Variants in MRPS35 observed in about 807,000 individuals in gnomAD.
The protein encoded by MRPS35 is small ribosomal subunit protein mS35.
Under a neutral mutation model 32.7 loss-of-function variants are expected in MRPS35, and 29 were observed. The ratio of observed to expected loss-of-function variants is 0.89; its 90% CI spans 0.66 to 1.21. The LOEUF is 1.21. Ranked by LOEUF, MRPS35 falls within the 50% of genes most tolerant of loss-of-function variation. The pLI is 0.00. For synonymous variants in MRPS35, 148 were observed against 139.3 expected (o/e 1.06, Z -0.44); for missense variants, 373 against 383.8 (o/e 0.97, Z 0.23).
At chr12:27,747,352 C>CTCTA (rs898304023) in intron 7 of MRPS35, among the ~76,000 whole-genome samples, 53 of 152,090 alleles carry the variant, frequency 3.5e-4, no homozygotes, top group African/African-American at 1.1e-3. Flanking sequence ...TCTGCTCACC[C>CTCTA]CATTAGACTG....
At chr12:27,716,791 C>A (rs1279211925) in intron 3 of MRPS35, among the ~76,000 whole-genome samples, 1 of 152,074 alleles carries the variant, frequency 6.6e-6, no homozygotes, top group South Asian at 2.1e-4. Context: ...AGTTCAAGAC[C>A]AATCTGGCCA....
chr12:27,751,560 C>T (rs891475276), intron 7 of MRPS35, among the ~76,000 whole-genome samples: 1 of 152,186 alleles, frequency 6.6e-6, no homozygotes, highest in African/African-American at 2.4e-5. Context: ...CCGCGACCCC[C>T]ATGCCTGCGG....
intron 4 of MRPS35, among the ~76,000 whole-genome samples, chr12:27,720,394 CAAA>C (rs11414370): frequency 2.0e-5 from 2 of 101,660 alleles, no homozygotes; most frequent in Non-Finnish European, 1.9e-5. Context: ...AACGCCATCT[CAAA>C]AAAAAAAAAA....
At chr12:27,721,430 G>A (rs1433044432) in intron 4 of MRPS35, among the ~76,000 whole-genome samples, 1 of 152,146 alleles carries the variant, frequency 6.6e-6, no homozygotes, top group East Asian at 1.9e-4. Flanking sequence ...GTCTGAGGTG[G>A]GTGGATTGCT....
rs2062023656 is a variant in MRPS35, at chr12:27,755,706, G to A, written c.*256G>A. On this transcript the variant is annotated 3_prime_UTR_variant, in exon 8 of 8. Transcript: ENST00000081029. ...ATTTTATTTCTACATAATAGCTTTG[G>A]TATTCATGTATATACATGCATTTAA... 4.1e-6 allele frequency: 1 copy of A among 245,654 alleles called. No individual in the cohort carries two copies. 15.2% of individuals were successfully genotyped at this position (245,654 alleles called of 1,614,324 possible). A position where few individuals can be genotyped will look rare whatever the true frequency, so the allele number is the denominator to read the frequency against.
chr12:27,734,328 C>T (rs1170848798), intron 5 of MRPS35, among the ~76,000 whole-genome samples: 2 of 151,550 alleles, frequency 1.3e-5, no homozygotes, highest in African/African-American at 4.9e-5. Context: ...CCAAAACCTC[C>T]GCCTCCTGGG....
At chr12:27,738,977 TG>T (rs2061953367) in intron 7 of MRPS35, among the ~76,000 whole-genome samples, 1 of 151,914 alleles carries the variant, frequency 6.6e-6, no homozygotes, top group African/African-American at 2.4e-5. Context: ...GGAGCGATCT[TG>T]GCTCACTGCA....
intron 7 of MRPS35, among the ~76,000 whole-genome samples, chr12:27,741,103 G>A (rs1191183497): frequency 6.6e-6 from 1 of 152,044 alleles, no homozygotes; most frequent in African/African-American, 2.4e-5. Context: ...GGGAGTCGGA[G>A]GTTGCAGTGA....
At chr12:27,731,159 T>C (rs1224829033) in intron 5 of MRPS35, among the ~76,000 whole-genome samples, 2 of 152,244 alleles carry the variant, frequency 1.3e-5, no homozygotes, top group Non-Finnish European at 2.9e-5. Flanking sequence ...TCCTTTGCCA[T>C]GCCCCTGTCA....
intron 2 of MRPS35, 21 bp from the exon 3 acceptor site, chr12:27,716,270 A>G (rs2061850048): frequency 2.6e-6 from 4 of 1,520,828 alleles, no homozygotes; most frequent in African/African-American, 2.8e-5. Flanking sequence ...TTAAAATACT[A>G]AACGATTTTA....
rs559635499 is a variant in MRPS35 at position 27,727,183 on chromosome 12, G to A, written c.522+2997G>A. ...TCACCGTGTTAGCCAGGATGGTCTC[G>A]ATCTCCTGACCTTGTGATCTGCCTG... On this transcript the variant is annotated intron_variant, in intron 5 of 7. Coordinates refer to ENST00000081029, the MANE Select transcript of MRPS35 (RefSeq NM_021821.4). Among the ~76,000 whole-genome samples, 8 of 152,032 alleles carry A rather than the reference G, an allele frequency of 5.3e-5. No homozygotes were observed. In the East Asian group the frequency reaches 5.8e-4, roughly 11 times the overall value.
chr12:27,733,034 A>C (rs12368575), intron 5 of MRPS35, among the ~76,000 whole-genome samples: 7,290 of 61,880 alleles, frequency 0.12, 393 homozygotes, highest in Middle Eastern at 0.23. Flanking sequence ...ATATATATAT[A>C]TATATATCCA....
Position 27,740,665 on chromosome 12 carries a change from C to T in MRPS35, c.702+3057C>T, listed in dbSNP as rs189823033. Among the ~76,000 whole-genome samples, 58 of 152,236 alleles carry T rather than the reference C, an allele frequency of 3.8e-4. 1 individual carries two copies. The highest frequency in any genetic ancestry group is 6.8e-3 in the Middle Eastern group (2 of 294). On this transcript the variant is annotated intron_variant, in intron 7 of 7. Transcript: ENST00000081029. ...TTATGTAGCTTGTAGTACTGAAATC[C>T]CTCTGGAGAAGTGATCACCTAGACT...
At chr12:27,742,698 C>T (rs1383316346) in intron 7 of MRPS35, among the ~76,000 whole-genome samples, 3 of 152,066 alleles carry the variant, frequency 2.0e-5, no homozygotes, top group Non-Finnish European at 4.4e-5. Flanking sequence ...TGAAGCTCGT[C>T]GTAGTGCTTA....
intron 5 of MRPS35, among the ~76,000 whole-genome samples, chr12:27,730,770 C>T (rs2061919318): frequency 6.6e-6 from 1 of 152,114 alleles, no homozygotes; most frequent in African/African-American, 2.4e-5. Flanking sequence ...CTGTGCCGGC[C>T]ATGATTTGTC....
intron 6 of MRPS35, 85 bp from the exon 7 acceptor site, chr12:27,737,454 T>C (rs1467388272): frequency 5.9e-6 from 5 of 850,822 alleles, no homozygotes; most frequent in Non-Finnish European, 1.0e-5. Context: ...CATTATCTTC[T>C]GTATTTAGTA....
In MRPS35 at chr12:27,755,663, T is replaced by C; in HGVS notation, c.*213T>C. The C allele has an allele frequency of 2.7e-6, 1 of 366,088 alleles. No homozygotes were observed. The highest frequency in any genetic ancestry group is 4.7e-6 in the Non-Finnish European group (1 of 210,570). The allele number at this position is 366,088 out of a possible 1,614,324, so 22.7% of individuals were successfully genotyped here. ...AGACTAGGAGGTCTCTGATTTCTTC[T>C]TGGTCTAAAGTGTTTTGATTTTATT... On this transcript the variant is annotated 3_prime_UTR_variant, in exon 8 of 8. Transcript: ENST00000081029.
At chr12:27,713,547 G>T (rs1377734601) in intron 1 of MRPS35, among the ~76,000 whole-genome samples, 1 of 152,164 alleles carries the variant, frequency 6.6e-6, no homozygotes, top group African/African-American at 2.4e-5. Context: ...ATGTCCAAGG[G>T]CAGGGGAAGA....
At chr12:27,721,662 T>A (rs541466443) in intron 4 of MRPS35, among the ~76,000 whole-genome samples, 38 of 151,062 alleles carry the variant, frequency 2.5e-4, no homozygotes, top group Non-Finnish European at 5.2e-4. Context: ...TCTCAAACAA[T>A]AAAAAAAAAT....
Sources: gnomAD v4.1 joint callset for allele counts (sites outside exome capture counted in the v4.1 genomes callset) on GRCh38, gnomAD v4.1.1 for gene constraint, MANE v1.5 for transcripts, NCBI Gene and HGNC (gene_info 2026-07-23, HGNC 2026-07-21) for gene names.